MIER1: variants seen among roughly 807,000 people sequenced by gnomAD.
MIER1 encodes the protein mesoderm induction early response protein 1.
MIER1 carries 40 observed loss-of-function variants against 75.7 expected under a neutral mutation model. The ratio of observed to expected loss-of-function variants is 0.53; its 90% CI spans 0.41 to 0.69. MIER1 has a LOEUF of 0.69. Among genes scored for constraint, MIER1 ranks in the 30% least tolerant of loss-of-function variants. MIER1 has a pLI of 0.00. For missense variants in MIER1, 574 were observed against 680.2 expected (o/e 0.84, Z 1.74); for synonymous variants, 213 against 223.4 (o/e 0.95, Z 0.42).
intron 12 of MIER1, among the ~76,000 whole-genome samples, chr1:66,978,825 G>C (rs1364187238): frequency 6.6e-6 from 1 of 152,156 alleles, no homozygotes; most frequent in African/African-American, 2.4e-5. Context: ...GTGATGTCAA[G>C]ATCAACAGGT....
At chr1:66,935,422 C>T (rs1224550841) in intron 2 of MIER1, among the ~76,000 whole-genome samples, 1 of 152,096 alleles carries the variant, frequency 6.6e-6, no homozygotes, top group African/African-American at 2.4e-5. Context: ...GTGTTGTTTT[C>T]CATCTCAGAT....
chr1:66,930,380 A>C, intron 2 of MIER1: 3 of 1,608,062 alleles, frequency 1.9e-6, no homozygotes, highest in Non-Finnish European at 2.5e-6. Flanking sequence ...GTGACCCGGC[A>C]GTACGGCAAA....
At chr1:66,965,561 G>A (rs979478751) in intron 8 of MIER1, among the ~76,000 whole-genome samples, 14 of 151,876 alleles carry the variant, frequency 9.2e-5, no homozygotes, top group South Asian at 6.2e-4. Flanking sequence ...ATATAGTTCC[G>A]GGGTACGTGA....
At chr1:66,963,736 C>T (rs1174357290) in intron 8 of MIER1, among the ~76,000 whole-genome samples, 3 of 151,920 alleles carry the variant, frequency 2.0e-5, no homozygotes, top group South Asian at 2.1e-4. Flanking sequence ...GGTGAAACCC[C>T]GTCTCTACTA....
intron 8 of MIER1, among the ~76,000 whole-genome samples, chr1:66,966,806 G>A (rs1365146056): frequency 1.3e-5 from 2 of 152,086 alleles, no homozygotes; most frequent in African/African-American, 2.4e-5. Context: ...CCATCTGTAT[G>A]TATTCTTTTG....
intron 8 of MIER1, 89 bp downstream of exon 8, chr1:66,963,249 C>A (rs891800687): frequency 9.7e-6 from 8 of 827,414 alleles, no homozygotes; most frequent in South Asian, 7.7e-5. Flanking sequence ...AAGAACATGA[C>A]AGCCTACTAA....
At chr1:66,962,616 A>C (rs1354424500) in intron 7 of MIER1, among the ~76,000 whole-genome samples, 1 of 152,142 alleles carries the variant, frequency 6.6e-6, no homozygotes, top group African/African-American at 2.4e-5. Context: ...TGGGAGGTCG[A>C]GGCTGCAGTG....
intron 2 of MIER1, among the ~76,000 whole-genome samples, chr1:66,937,110 C>G (rs888345205): frequency 2.6e-5 from 4 of 151,392 alleles, no homozygotes; most frequent in African/African-American, 9.7e-5. Flanking sequence ...CAAAAGGACA[C>G]TATAAAAGGT....
In MIER1 at chr1:66,925,027, G is replaced by A. The variant is rs1436324993; in HGVS notation, c.-2G>A. On this transcript the variant is annotated 5_prime_UTR_variant, in exon 1 of 14. Transcript: ENST00000401041. ...GGCTCTGAGTCTCCCGGCTGCAGGC[G>A]GATGGATGGGGCTTCTTCAGGCGGT... The A allele has an allele frequency of 1.9e-6, 3 of 1,547,004 alleles. No homozygotes were observed. In the Admixed American group the frequency reaches 6.1e-5, roughly 32 times the overall value.
intron 3 of MIER1, among the ~76,000 whole-genome samples, chr1:66,942,687 G>T (rs550680111): frequency 1.3e-5 from 2 of 152,196 alleles, no homozygotes; most frequent in South Asian, 2.1e-4. Flanking sequence ...AAGGCAAAAA[G>T]AAGTCAGATA....
At chr1:66,959,214 C>G (rs995199559) in intron 6 of MIER1, among the ~76,000 whole-genome samples, 2 of 151,946 alleles carry the variant, frequency 1.3e-5, no homozygotes, top group African/African-American at 4.8e-5. Context: ...TTTGTTTTTT[C>G]TTTGCCCTGT....
Position 66,986,596 on chromosome 1 carries a change from T to G in MIER1, c.*1696T>G. The G allele has an allele frequency of 1.3e-6, 1 of 790,440 alleles. No homozygotes were observed. The highest frequency in any genetic ancestry group is 2.1e-6 in the Non-Finnish European group (1 of 479,972). 49.0% of individuals were successfully genotyped at this position (790,440 alleles called of 1,614,324 possible). On this transcript the variant is annotated 3_prime_UTR_variant, in exon 14 of 14. Transcript: ENST00000401041. Reference sequence around the variant, plus strand: ...TATTACTGTTAACATATGTTCGGACTGCTTCCCTTCACCAATGTGAACAAC... The same window carrying G: ...TATTACTGTTAACATATGTTCGGACGGCTTCCCTTCACCAATGTGAACAAC...
intron 13 of MIER1, among the ~76,000 whole-genome samples, chr1:66,983,196 A>T (rs983789972): frequency 1.3e-5 from 2 of 152,144 alleles, no homozygotes; most frequent in African/African-American, 4.8e-5. Context: ...CCAATGTTAT[A>T]TTACTTTTTT....
intron 8 of MIER1, 28 bp downstream of exon 8, chr1:66,963,188 GA>G (rs1558079798): frequency 7.4e-7 from 1 of 1,360,228 alleles, no homozygotes; most frequent in East Asian, 2.3e-5. Flanking sequence ...TTACGTAGCT[GA>G]ATTTATGCTT....
chr1:66,948,513 G>A (rs1217583483), intron 4 of MIER1, among the ~76,000 whole-genome samples: 1 of 152,228 alleles, frequency 6.6e-6, no homozygotes, highest in Non-Finnish European at 1.5e-5. Context: ...AGTGATTACA[G>A]CTGACTTAAT....
chr1:66,925,426 G>C, intron 1 of MIER1: 1 of 985,384 alleles, frequency 1.0e-6, no homozygotes, highest in Non-Finnish European at 1.2e-6. Context: ...GATCCCAGTC[G>C]GGGTGGGGCT....
chr1:66,973,872 G>A (rs1238736822), intron 11 of MIER1, among the ~76,000 whole-genome samples: 4 of 152,036 alleles, frequency 2.6e-5, no homozygotes, highest in South Asian at 2.1e-4. Flanking sequence ...GTTTTGTGTC[G>A]TAGCTTGTCC....
At chr1:66,946,692 G>A (rs1657730938) in intron 4 of MIER1, 2 of 988,014 alleles carry the variant, frequency 2.0e-6, no homozygotes, top group Non-Finnish European at 1.2e-6. Context: ...TACATAAAGT[G>A]CTCTAGATTA....
At chr1:66,960,912 A>G (rs146574687) in intron 7 of MIER1, among the ~76,000 whole-genome samples, 323 of 152,256 alleles carry the variant, frequency 2.1e-3, no homozygotes, top group African/African-American at 7.6e-3. Context: ...TTGCTGTCCC[A>G]CTTCATATTC....
Sources: gnomAD v4.1 joint callset for allele counts (sites outside exome capture counted in the v4.1 genomes callset) on GRCh38, gnomAD v4.1.1 for gene constraint, MANE v1.5 for transcripts, NCBI Gene and HGNC (gene_info 2026-07-23, HGNC 2026-07-21) for gene names.